The following SERPINA9 variants were observed in gnomAD, a reference collection of about 807,000 sequenced individuals.
SERPINA9 encodes the protein serpin family A member 9.
SERPINA9 carries 32 observed loss-of-function variants against 24.5 expected under a neutral mutation model. That is an observed-to-expected ratio of 1.30 (90% confidence interval 0.98 to 1.75). The LOEUF is 1.75. SERPINA9 is among the 40% of genes most tolerant of loss of function. The pLI is 0.00. For synonymous variants in SERPINA9, 233 were observed against 197.7 expected (o/e 1.18, Z -1.50); for missense variants, 594 against 497.1 (o/e 1.19, Z -1.85).
rs1899180864 is a variant in SERPINA9, at chr14:94,469,329, G to T, written c.512C>A (p.Ala171Asp). 2 of 1,614,160 alleles carry T rather than the reference G, an allele frequency of 1.2e-6. No individual in the cohort carries two copies. The highest frequency in any genetic ancestry group is 1.7e-5 in the Admixed American group (1 of 60,024). The change falls in exon 2 of 5, where the codon GCC (alanine) becomes GAC (aspartate). Residue 171 changes from alanine (A) to aspartate (D), a missense_variant. By Grantham distance (126) the Ala-to-Asp change is moderately radical. Coordinates refer to ENST00000674397, the MANE Select transcript of SERPINA9 (RefSeq NM_175739.4). ...FSTDFSNPSIAQARINSHVKK... is the reference protein window; with the variant it reads ...FSTDFSNPSIDQARINSHVKK... Reference sequence around the variant, plus strand: ...CACATGGCTGTTGATCCTCGCCTGGGCAATGGAGGGGTTGGAGAAATCTGT... The same window carrying T: ...CACATGGCTGTTGATCCTCGCCTGGTCAATGGAGGGGTTGGAGAAATCTGT...
Position 94,469,729 on chromosome 14 carries a change from T to G in SERPINA9, c.112A>C (p.Ser38Arg), listed in dbSNP as rs1237412506. ...SAYPRPSSTK[S>R]TPASQVYSLN... ...GAATACACCTGTGAGGCAGGGGTGC[T>G]CTTTGTGGAGGAAGGGCGGGGGTAT... The change falls in exon 2 of 5, where the codon AGC (serine) becomes CGC (arginine). Residue 38 changes from serine to arginine, a missense_variant. Physicochemically the swap from Ser to Arg is moderately radical, Grantham distance 110. Transcript: ENST00000674397. 19 of 1,590,914 alleles carry G rather than the reference T, an allele frequency of 1.2e-5. No homozygotes were observed. The highest frequency in any genetic ancestry group is 1.6e-5 in the Non-Finnish European group (19 of 1,166,852).
At chr14:94,464,984 C>T (rs1434568671) in intron 3 of SERPINA9, 130 bp from the exon 4 acceptor site, 4 of 763,780 alleles carry the variant, frequency 5.2e-6, no homozygotes, top group Admixed American at 3.1e-5. Context: ...AAGGTCAACA[C>T]ATCCTAGCCA....
intron 3 of SERPINA9, among the ~76,000 whole-genome samples, chr14:94,466,334 A>C (rs1243677089): frequency 6.6e-6 from 1 of 152,172 alleles, no homozygotes; most frequent in Non-Finnish European, 1.5e-5. Flanking sequence ...CCCAGCTGAA[A>C]GTGATCTCTC....
In SERPINA9 at chr14:94,467,351, A is replaced by G. The variant is rs555616164; in HGVS notation, c.660T>C (p.Tyr220=). 11 of 1,613,132 alleles carry G rather than the reference A, an allele frequency of 6.8e-6. No individual in the cohort carries two copies. In the African/African-American group the frequency reaches 1.3e-4, roughly 20 times the overall value. ...CCAGGAATGGGAAGTTCTTTCTTGTATATTCAGGGTGAAAGGGCTTCTCCC... is the reference window on the plus strand; with the variant it reads ...CCAGGAATGGGAAGTTCTTTCTTGTGTATTCAGGGTGAAAGGGCTTCTCCC... ...AKWEKPFHPE[Y]TRKNFPFLVG... Residue 220 remains tyrosine (Y), a synonymous_variant, in exon 3 of 5, where the codon TAT becomes TAC. Coordinates refer to ENST00000674397, the MANE Select transcript of SERPINA9 (RefSeq NM_175739.4).
intron 4 of SERPINA9, chr14:94,464,451 G>GCT (rs1355921444): frequency 3.7e-6 from 2 of 540,462 alleles, no homozygotes. Flanking sequence ...GGGAGCACTT[G>GCT]CTCTCCTGCA....
At position 94,469,628 on chromosome 14, in the gene SERPINA9, G is replaced by A. The variant is rs1899203135; in HGVS notation, c.213C>T (p.Ser71=). The part of the protein sequence containing the change: ...LETPSQNIFF[S]PVSVSTSLAM... ...CCAGGGAAGTGGAGACACTCACAGG[G>A]GAGAAGAAGATGTTCTGACTCGGGG... is the stretch of plus-strand genomic sequence containing the variant. Residue 71 remains serine, a synonymous_variant, in exon 2 of 5, where the codon TCC becomes TCT. Coordinates refer to ENST00000674397, the MANE Select transcript of SERPINA9 (RefSeq NM_175739.4). 1.2e-6 allele frequency: 2 copies of A among 1,614,096 alleles called. No homozygotes were observed. The highest frequency in any genetic ancestry group is 8.5e-7 in the Non-Finnish European group (1 of 1,180,012).
chr14:94,468,095 A>T lies in SERPINA9; in HGVS notation c.629-713T>A, dbSNP rs1841800591. Among the ~76,000 whole-genome samples the T allele has an allele frequency of 2.0e-5, 3 of 151,998 alleles. No homozygotes were observed. The South Asian group carries it at 6.2e-4, about 32-fold the overall frequency. The stretch of plus-strand genomic sequence containing the variant: ...GCATGGATTCATGGATGAATGACAG[A>T]TGGATAAATGGGTGGATAGTTTGGT... On this transcript the variant is annotated intron_variant, in intron 2 of 4. Transcript: ENST00000674397.
At position 94,467,099 on chromosome 14, in the gene SERPINA9, A is replaced by G. The variant is rs761280508; in HGVS notation, c.902+10T>C. 5.6e-6 allele frequency: 9 copies of G among 1,611,552 alleles called. No homozygotes were observed. The East Asian group carries it at 1.6e-4, about 28-fold the overall frequency. Reference sequence around the variant, plus strand: ...GCCTCAGGGCCCAGGAGATTGACACAGATGCCCACCTTTTCTGGAGTGAGT... The same window carrying G: ...GCCTCAGGGCCCAGGAGATTGACACGGATGCCCACCTTTTCTGGAGTGAGT... On this transcript the variant is annotated intron_variant, in intron 3 of 4. Transcript: ENST00000674397.
chr14:94,468,431 G>A (rs896883406), intron 2 of SERPINA9, among the ~76,000 whole-genome samples: 1 of 152,150 alleles, frequency 6.6e-6, no homozygotes. Flanking sequence ...TGATACGGTG[G>A]CATCCATGAA....
intron 1 of SERPINA9, among the ~76,000 whole-genome samples, chr14:94,473,592 A>G (rs1007706437): frequency 1.3e-5 from 2 of 151,922 alleles, no homozygotes; most frequent in East Asian, 1.9e-4. Context: ...CTCCTGGAAT[A>G]TAAGACTGAA....
rs779206892 is a variant in SERPINA9 at position 94,469,209 on chromosome 14, T to G, written c.628+4A>C. 6 of 1,604,564 alleles carry G rather than the reference T, an allele frequency of 3.7e-6. No homozygotes were observed. Among genetic ancestry groups the G allele is most frequent in the Non-Finnish European group, 5.1e-6 (6 of 1,175,550 alleles). On this transcript the variant is annotated splice_donor_region_variant and intron_variant, in intron 2 of 4. Transcript: ENST00000674397. ...AAATAAAAATCAACTTCTCAAATCCTTACCTTTAAAGAAAATGTGGTTCAC... is the reference window on the plus strand; with the variant it reads ...AAATAAAAATCAACTTCTCAAATCCGTACCTTTAAAGAAAATGTGGTTCAC...
At chr14:94,471,378 A>C in intron 1 of SERPINA9, among the ~76,000 whole-genome samples, 1 of 152,192 alleles carries the variant, frequency 6.6e-6, no homozygotes, top group Non-Finnish European at 1.5e-5. Context: ...ATTGCCACAC[A>C]TAGTCACTTG....
At chr14:94,475,939 T>C (rs1899617928) in intron 1 of SERPINA9, 197 bp downstream of exon 1, 3 of 679,062 alleles carry the variant, frequency 4.4e-6, no homozygotes, top group South Asian at 1.9e-5. Context: ...ACTCACTCAC[T>C]GGTCCACTCC....
chr14:94,467,498 A>T, intron 2 of SERPINA9, 116 bp from the exon 3 acceptor site: 1 of 930,910 alleles, frequency 1.1e-6, no homozygotes, highest in Non-Finnish European at 1.6e-6. Context: ...TTGAGGTGAC[A>T]AAAAAATGCT....
intron 1 of SERPINA9, among the ~76,000 whole-genome samples, chr14:94,475,575 G>T (rs753400179): frequency 4.0e-5 from 6 of 151,824 alleles, no homozygotes; most frequent in Non-Finnish European, 7.4e-5. Flanking sequence ...TTTCCCAGTC[G>T]CCCCTCTCTC....
At chr14:94,473,660 C>T (rs942754282) in intron 1 of SERPINA9, among the ~76,000 whole-genome samples, 33 of 152,046 alleles carry the variant, frequency 2.2e-4, no homozygotes, top group African/African-American at 7.5e-4. Context: ...TTCAGGACGC[C>T]GTGTAAGAGT....
chr14:94,469,319 C>A lies in SERPINA9; in HGVS notation c.522G>T (p.Arg174Ser). Reference sequence around the variant, plus strand: ...TCTTCTTTTTCACATGGCTGTTGATCCTCGCCTGGGCAATGGAGGGGTTGG... The same window carrying A: ...TCTTCTTTTTCACATGGCTGTTGATACTCGCCTGGGCAATGGAGGGGTTGG... ...DFSNPSIAQA[R>S]INSHVKKKTQ... The change falls in exon 2 of 5, where the codon AGG (arginine) becomes AGT (serine). Residue 174 changes from arginine to serine, a missense_variant. Physicochemically the swap from Arg to Ser is moderately radical, Grantham distance 110. Coordinates refer to ENST00000674397, the MANE Select transcript of SERPINA9 (RefSeq NM_175739.4). The A allele has an allele frequency of 6.2e-7, 1 of 1,614,214 alleles. No homozygotes were observed. Among genetic ancestry groups the A allele is most frequent in the Non-Finnish European group, 8.5e-7 (1 of 1,180,054 alleles).
At chr14:94,472,846 C>A (rs1456209342) in intron 1 of SERPINA9, among the ~76,000 whole-genome samples, 2 of 152,162 alleles carry the variant, frequency 1.3e-5, no homozygotes, top group East Asian at 3.9e-4. Flanking sequence ...CTGGGAGGAC[C>A]ACCTGTGCAA....
At position 94,469,615 on chromosome 14, in the gene SERPINA9, A is replaced by C; in HGVS notation, c.226T>G (p.Ser76Ala). 6.2e-7 allele frequency: 1 copy of C among 1,614,108 alleles called. No homozygotes were observed. Among genetic ancestry groups the C allele is most frequent in the Non-Finnish European group, 8.5e-7 (1 of 1,180,020 alleles). ...QNIFFSPVSV[S>A]TSLAMLSLGA... ...AGGGAGAGCATGGCCAGGGAAGTGG[A>C]GACACTCACAGGGGAGAAGAAGATG... The change falls in exon 2 of 5, where the codon TCC (serine) becomes GCC (alanine). Residue 76 changes from serine (S) to alanine (A), a missense_variant. By Grantham distance (99) the Ser-to-Ala change is moderately conservative. Coordinates refer to ENST00000674397, the MANE Select transcript of SERPINA9 (RefSeq NM_175739.4).
Sources: gnomAD v4.1 joint callset for allele counts (sites outside exome capture counted in the v4.1 genomes callset) on GRCh38, gnomAD v4.1.1 for gene constraint, MANE v1.5 for transcripts, NCBI Gene and HGNC (gene_info 2026-07-23, HGNC 2026-07-21) for gene names.